FER: variants seen among roughly 807,000 people sequenced by gnomAD.
FER encodes FER tyrosine kinase, also known as tyrosine-protein kinase Fer.
Under a neutral mutation model 111.0 loss-of-function variants are expected in FER, and 63 were observed. That is an observed-to-expected ratio of 0.57 (90% CI 0.46 to 0.70). The LOEUF (loss-of-function observed/expected upper bound fraction) is 0.70. Among genes scored for constraint, FER ranks in the 30% least tolerant of loss-of-function variants. FER has a pLI of 0.00. For missense variants in FER, 914 were observed against 954.0 expected (o/e 0.96, Z 0.55); for synonymous variants, 327 against 313.9 (o/e 1.04, Z -0.44).
chr5:108,945,718 AT>A lies in FER; in HGVS notation c.1237-406del, dbSNP rs909640888. On this transcript the variant is annotated intron_variant, in intron 10 of 19. Coordinates refer to ENST00000281092, the MANE Select transcript of FER (RefSeq NM_005246.4). The stretch of plus-strand genomic sequence containing the variant: ...TTTATTCCTGTTTTTTTTTGTGATT[AT>A]TTTTTCTTATTTGAATTCCCTCCCA... Among the ~76,000 whole-genome samples, 60 of 151,284 alleles carry A rather than the reference AT, an allele frequency of 4.0e-4. 1 individual carries two copies. Among genetic ancestry groups the A allele is most frequent in the Non-Finnish European group, 1.3e-4 (9 of 67,738 alleles).
chr5:109,080,287 A>G (rs539550340), intron 16 of FER, among the ~76,000 whole-genome samples: 1 of 152,204 alleles, frequency 6.6e-6, no homozygotes, highest in South Asian at 2.1e-4. Flanking sequence ...GCTTATTTGC[A>G]CATAGTGTTG....
intron 16 of FER, among the ~76,000 whole-genome samples, chr5:109,074,682 T>A (rs1007325325): frequency 1.3e-5 from 2 of 152,226 alleles, no homozygotes; most frequent in Non-Finnish European, 2.9e-5. Context: ...AGCATCAAAG[T>A]ACCATTTAGA....
chr5:109,007,365 T>C (rs1353410361), intron 13 of FER, among the ~76,000 whole-genome samples: 2 of 152,164 alleles, frequency 1.3e-5, no homozygotes, highest in Admixed American at 6.5e-5. Context: ...TTTTAGCATA[T>C]AGTTCTGATA....
At position 108,927,252 on chromosome 5, in the gene FER, C is replaced by CTTTTTTTTTTTTT. The variant is rs766702172; in HGVS notation, c.1237-18871_1237-18859dup. 1.5e-3 allele frequency among the ~76,000 whole-genome samples: 142 copies of CTTTTTTTTTTTTT among 95,222 alleles called. 30 individuals carry two copies. The highest frequency in any genetic ancestry group is 5.6e-3 in the African/African-American group (96 of 17,254). 62.5% of individuals were successfully genotyped at this position (95,222 alleles called of 152,430 possible). A position where few individuals can be genotyped will look rare whatever the true frequency, so the allele number is the denominator to read the frequency against. On this transcript the variant is annotated intron_variant, in intron 10 of 19. Coordinates refer to ENST00000281092, the MANE Select transcript of FER (RefSeq NM_005246.4). ...TGTAATTCAGCATTGAGAAGTGGCT[C>CTTTTTTTTTTTTT]TTTTTTTTTTTTTTTTTTTGAGACG...
intron 2 of FER, among the ~76,000 whole-genome samples, chr5:108,771,383 A>G (rs768056808): frequency 6.6e-5 from 10 of 152,204 alleles, no homozygotes; most frequent in Non-Finnish European, 1.2e-4. Context: ...TTTGAGTTTT[A>G]GAGCTGAGAG....
chr5:108,992,742 C>T (rs1325206195), intron 13 of FER, among the ~76,000 whole-genome samples: 19 of 149,562 alleles, frequency 1.3e-4, no homozygotes, highest in East Asian at 2.0e-4. Flanking sequence ...ACTTCCCAGA[C>T]GGGGTGGCTG....
intron 16 of FER, among the ~76,000 whole-genome samples, chr5:109,094,568 T>A (rs1324814562): frequency 6.6e-6 from 1 of 152,166 alleles, no homozygotes; most frequent in Non-Finnish European, 1.5e-5. Context: ...CAAATTTTTT[T>A]TATAACGGGC....
At chr5:108,879,520 T>A (rs1581019764) in intron 8 of FER, among the ~76,000 whole-genome samples, 1 of 151,810 alleles carries the variant, frequency 6.6e-6, no homozygotes, top group Admixed American at 6.6e-5. Context: ...GTGAATATTG[T>A]ACTTTGAAAT....
intron 8 of FER, among the ~76,000 whole-genome samples, chr5:108,878,130 C>T (rs962846521): frequency 6.6e-6 from 1 of 152,028 alleles, no homozygotes; most frequent in South Asian, 2.1e-4. Context: ...TGGTCTCGAA[C>T]TCCTGACCTC....
At chr5:108,936,215 T>A (rs965556504) in intron 10 of FER, among the ~76,000 whole-genome samples, 1 of 152,016 alleles carries the variant, frequency 6.6e-6, no homozygotes, top group African/African-American at 2.4e-5. Flanking sequence ...TTCTCAATAT[T>A]TAAACTTTTT....
rs1331788404 is a variant in FER, at chr5:108,787,527, A to G, written c.-59-10597A>G. ...GTTCTAGGTGAAGTCCGTGGCCCAGAGTGAGAACTTCATTGATGACTGTTT... is the reference window on the plus strand; with the variant it reads ...GTTCTAGGTGAAGTCCGTGGCCCAGGGTGAGAACTTCATTGATGACTGTTT... On this transcript the variant is annotated intron_variant, in intron 2 of 19. Transcript: ENST00000281092. Among the ~76,000 whole-genome samples the G allele has an allele frequency of 2.0e-5, 3 of 152,268 alleles. No individual in the cohort carries two copies. In the East Asian group the frequency reaches 5.8e-4, roughly 29 times the overall value.
intron 16 of FER, among the ~76,000 whole-genome samples, chr5:109,065,165 A>G (rs1774930683): frequency 1.3e-5 from 2 of 152,180 alleles, no homozygotes; most frequent in South Asian, 4.1e-4. Flanking sequence ...TCAGTATGAA[A>G]TTTTCATTTT....
chr5:108,867,728 A>G, intron 5 of FER, 39 bp from the exon 6 acceptor site: 1 of 1,563,132 alleles, frequency 6.4e-7, no homozygotes, highest in Non-Finnish European at 8.7e-7. Context: ...TTTTTTTCTT[A>G]TCTCTTTACT....
rs570536165 is a variant in FER at position 108,750,528 on chromosome 5, A to G, written c.-206+2528A>G. Among the ~76,000 whole-genome samples, 57 of 152,342 alleles carry G rather than the reference A, an allele frequency of 3.7e-4. 1 individual carries two copies. The highest frequency in any genetic ancestry group is 2.1e-3 in the South Asian group (10 of 4,830). On this transcript the variant is annotated intron_variant, in intron 1 of 19. Coordinates refer to ENST00000281092, the MANE Select transcript of FER (RefSeq NM_005246.4). ...TTCATCTTTGAAAGACCTTTAGTGA[A>G]GATCTGTTTCTCTTCTGCATTGATT... is the stretch of plus-strand genomic sequence containing the variant.
chr5:108,972,835 C>G (rs1258032456), intron 13 of FER, among the ~76,000 whole-genome samples: 1 of 152,104 alleles, frequency 6.6e-6, no homozygotes, highest in East Asian at 1.9e-4. Context: ...TGTGGCATCT[C>G]TTTGGAAATA....
chr5:108,985,114 A>G (rs1270420054), intron 13 of FER, among the ~76,000 whole-genome samples: 2 of 152,170 alleles, frequency 1.3e-5, no homozygotes, highest in Non-Finnish European at 2.9e-5. Flanking sequence ...AGGGAGAAAC[A>G]TACTACAAAT....
intron 16 of FER, among the ~76,000 whole-genome samples, chr5:109,095,930 C>T (rs1359384461): frequency 6.6e-6 from 1 of 152,000 alleles, no homozygotes; most frequent in African/African-American, 2.4e-5. Context: ...TTATACATCA[C>T]TGGGAAACTG....
intron 1 of FER, among the ~76,000 whole-genome samples, chr5:108,750,585 CTA>C (rs1750370022): frequency 6.6e-6 from 1 of 152,224 alleles, no homozygotes; most frequent in Non-Finnish European, 1.5e-5. Context: ...TAATCTAAAA[CTA>C]TGTAGTGTCA....
At chr5:108,976,182 T>G (rs1044202929) in intron 13 of FER, among the ~76,000 whole-genome samples, 1 of 152,146 alleles carries the variant, frequency 6.6e-6, no homozygotes, top group African/African-American at 2.4e-5. Context: ...TCTCACTTAT[T>G]TCTTCCTTTC....
Sources: allele counts gnomAD v4.1 joint callset (sites outside exome capture counted in the v4.1 genomes callset), GRCh38; gene constraint gnomAD v4.1.1; transcripts MANE v1.5; gene names NCBI Gene and HGNC (gene_info 2026-07-23, HGNC 2026-07-21).